TMEM38B: variants seen among roughly 807,000 people sequenced by gnomAD.
TMEM38B encodes the protein transmembrane protein 38B, also known as trimeric intracellular cation channel type B.
In TMEM38B, 24 loss-of-function variants were observed where a neutral mutation model predicts 28.7. That is an observed-to-expected ratio of 0.84 (90% CI 0.61 to 1.18). TMEM38B has a LOEUF of 1.18. Ranked by LOEUF, TMEM38B falls within the 50% of genes most tolerant of loss-of-function variation. The pLI, the probability that TMEM38B is intolerant of heterozygous loss-of-function variation, is 0.00. For synonymous variants in TMEM38B, 131 were observed against 127.7 expected (o/e 1.03, Z -0.17); for missense variants, 380 against 350.9 (o/e 1.08, Z -0.66).
At chr9:105,731,676 T>C (rs1836755189) in intron 4 of TMEM38B, among the ~76,000 whole-genome samples, 1 of 152,208 alleles carries the variant, frequency 6.6e-6, no homozygotes, top group Admixed American at 6.5e-5. Flanking sequence ...ATGGTGTATA[T>C]GTGCCACATT....
At chr9:105,704,227 T>C (rs191935052) in intron 1 of TMEM38B, among the ~76,000 whole-genome samples, 5 of 146,350 alleles carry the variant, frequency 3.4e-5, no homozygotes, top group African/African-American at 1.3e-4. Context: ...AAACTTAAAG[T>C]ATAAAAAAAA....
In TMEM38B at chr9:105,759,375, G is replaced by T. The variant is rs960439988; in HGVS notation, c.660+11185G>T. 2.1e-6 allele frequency: 3 copies of T among 1,400,152 alleles called. No homozygotes were observed. The African/African-American group carries it at 4.3e-5, about 20-fold the overall frequency. 86.7% of individuals were successfully genotyped at this position (1,400,152 alleles called of 1,614,324 possible). ...CCTTCTTCTCAGTCTGCTTCATAGA[G>T]AAAAAAGAAGAATAAGATTCTACTG... is the stretch of plus-strand genomic sequence containing the variant. On this transcript the variant is annotated intron_variant, in intron 5 of 5. Transcript: ENST00000374692.
At chr9:105,704,574 C>T (rs778890363) in intron 1 of TMEM38B, among the ~76,000 whole-genome samples, 8 of 151,268 alleles carry the variant, frequency 5.3e-5, no homozygotes, top group Non-Finnish European at 8.8e-5. Flanking sequence ...CTCAGAGTAG[C>T]CCTCAGTTTG....
chr9:105,753,751 A>C (rs896749369), intron 5 of TMEM38B, among the ~76,000 whole-genome samples: 2 of 152,234 alleles, frequency 1.3e-5, no homozygotes, highest in African/African-American at 4.8e-5. Context: ...AAGCAACCAT[A>C]TAAACAAGTC....
intron 5 of TMEM38B, chr9:105,758,200 G>A (rs1837903104): frequency 1.5e-6 from 1 of 654,984 alleles, no homozygotes; most frequent in Admixed American, 2.4e-5. Flanking sequence ...GCCTTATCTG[G>A]CCACCAAACT....
At chr9:105,706,607 G>A (rs1264741406) in intron 2 of TMEM38B, among the ~76,000 whole-genome samples, 3 of 152,134 alleles carry the variant, frequency 2.0e-5, no homozygotes, top group Non-Finnish European at 4.4e-5. Flanking sequence ...AACAAGAATT[G>A]GCTAAATACA....
At chr9:105,732,515 T>C (rs551325927) in intron 4 of TMEM38B, among the ~76,000 whole-genome samples, 8 of 152,172 alleles carry the variant, frequency 5.3e-5, no homozygotes, top group Admixed American at 5.2e-4. Flanking sequence ...GCAGTTTCTG[T>C]TTTCTACATG....
chr9:105,759,351 C>G, intron 5 of TMEM38B: 1 of 1,185,622 alleles, frequency 8.4e-7, no homozygotes, highest in African/African-American at 1.5e-5. Flanking sequence ...AATGGAGTGC[C>G]TTCTTCTCAG....
At chr9:105,760,238 G>A in intron 5 of TMEM38B, 2 of 835,358 alleles carry the variant, frequency 2.4e-6, no homozygotes, top group Non-Finnish European at 4.2e-6. Context: ...GATGCAATGG[G>A]CATGAAATCA....
intron 5 of TMEM38B, chr9:105,759,706 G>A: frequency 3.8e-6 from 6 of 1,598,182 alleles, no homozygotes; most frequent in Non-Finnish European, 5.1e-6. Flanking sequence ...GCCCAAACAG[G>A]AATTCCTGTT....
At chr9:105,720,758 G>A (rs1836287296) in intron 2 of TMEM38B, among the ~76,000 whole-genome samples, 2 of 152,008 alleles carry the variant, frequency 1.3e-5, no homozygotes, top group African/African-American at 2.4e-5. Context: ...TCTACTTTAA[G>A]CACAAAATTG....
chr9:105,766,754 A>T (rs10121582), intron 5 of TMEM38B, among the ~76,000 whole-genome samples: 31,922 of 150,256 alleles, frequency 0.21, 5,212 homozygotes, highest in East Asian at 0.47. Flanking sequence ...TTTTTTTATT[A>T]TTATACTTTA....
intron 5 of TMEM38B, among the ~76,000 whole-genome samples, chr9:105,752,137 C>T (rs564970062): frequency 4.6e-5 from 7 of 152,254 alleles, no homozygotes; most frequent in South Asian, 4.1e-4. Flanking sequence ...GACCTCCCTA[C>T]GGGGACTTCA....
chr9:105,762,522 C>T (rs866414670), intron 5 of TMEM38B, among the ~76,000 whole-genome samples: 3,061 of 148,776 alleles, frequency 0.021, 50 homozygotes, highest in Middle Eastern at 0.066. Context: ...GTTTTTTGTC[C>T]TTGCGATAGT....
chr9:105,723,926 C>T (rs1336294196), intron 4 of TMEM38B, among the ~76,000 whole-genome samples: 1 of 151,706 alleles, frequency 6.6e-6, no homozygotes, highest in Non-Finnish European at 1.5e-5. Context: ...ACCTCCGCCT[C>T]CCAGGTTCAA....
chr9:105,763,623 C>T (rs545021560), intron 5 of TMEM38B, among the ~76,000 whole-genome samples: 5 of 152,306 alleles, frequency 3.3e-5, no homozygotes, highest in South Asian at 2.1e-4. Context: ...CAGGACCAGA[C>T]AGATTCACAG....
At chr9:105,725,719 G>A (rs950553097) in intron 4 of TMEM38B, among the ~76,000 whole-genome samples, 35 of 152,138 alleles carry the variant, frequency 2.3e-4, no homozygotes, top group African/African-American at 7.9e-4. Context: ...AAAAGATGTG[G>A]TAAAAATATG....
chr9:105,749,197 C>G (rs1334243350), intron 5 of TMEM38B: 1 of 963,772 alleles, frequency 1.0e-6, no homozygotes, highest in African/African-American at 1.7e-5. Context: ...TTTCTAACAG[C>G]TTTATTGAGA....
intron 4 of TMEM38B, among the ~76,000 whole-genome samples, chr9:105,729,197 G>A (rs918390184): frequency 7.2e-5 from 11 of 152,078 alleles, no homozygotes; most frequent in African/African-American, 2.7e-4. Flanking sequence ...TTTCTTCCAG[G>A]GATTTTATGG....
Sources: allele counts gnomAD v4.1 joint callset (sites outside exome capture counted in the v4.1 genomes callset), GRCh38; gene constraint gnomAD v4.1.1; transcripts MANE v1.5; gene names NCBI Gene and HGNC (gene_info 2026-07-23, HGNC 2026-07-21).